The following SORCS1 variants were observed in gnomAD, a reference collection of about 807,000 sequenced individuals.
The protein encoded by SORCS1 is VPS10 domain-containing receptor SorCS1.
Under a neutral mutation model 146.1 loss-of-function variants are expected in SORCS1, and 60 were observed. The ratio of observed to expected loss-of-function variants is 0.41; its 90% CI spans 0.33 to 0.51. The LOEUF (loss-of-function observed/expected upper bound fraction) is 0.51, where lower values mean the gene tolerates loss of function less well. Among genes scored for constraint, SORCS1 ranks in the 20% least tolerant of loss-of-function variants. The probability of loss-of-function intolerance (pLI) is 0.21; values close to 1 mark genes in which losing one functional copy is unlikely to be tolerated. For synonymous variants in SORCS1, 637 were observed against 584.0 expected (o/e 1.09, Z -1.31); for missense variants, 1,352 against 1,487.6 (o/e 0.91, Z 1.50).
At chr10:106,674,508 T>C (rs1851879354) in intron 14 of SORCS1, among the ~76,000 whole-genome samples, 2 of 152,082 alleles carry the variant, frequency 1.3e-5, no homozygotes, top group Admixed American at 1.3e-4. Context: ...GTTTCATACT[T>C]GAAATTCAAA....
At chr10:107,165,279 G>T (rs1161916890), upstream of SORCS1, among the ~76,000 whole-genome samples, 1 of 140,566 alleles carries the variant, frequency 7.1e-6, no homozygotes, top group Admixed American at 7.4e-5. The surrounding 1 kb of genome is among the most constrained non-coding windows in gnomAD (Gnocchi z 4.0). Context: ...GTAATTAAAT[G>T]ATCTCGTGTG....
chr10:107,029,963 G>A (rs1958576587), intron 1 of SORCS1, among the ~76,000 whole-genome samples: 1 of 152,202 alleles, frequency 6.6e-6, no homozygotes, highest in African/African-American at 2.4e-5. Flanking sequence ...GATGCGTTTG[G>A]AAGGCAGAGA....
chr10:106,964,361 T>G (rs1329393253), intron 1 of SORCS1, among the ~76,000 whole-genome samples: 1 of 152,224 alleles, frequency 6.6e-6, no homozygotes, highest in Non-Finnish European at 1.5e-5. Flanking sequence ...TAGAGTGCAG[T>G]GATGCACTCA....
At chr10:107,129,576 G>A (rs547680417) in intron 1 of SORCS1, among the ~76,000 whole-genome samples, 2 of 152,318 alleles carry the variant, frequency 1.3e-5, no homozygotes, top group Non-Finnish European at 2.9e-5. Flanking sequence ...TATTTCACAC[G>A]AGCATAATTT....
chr10:106,606,798 T>C (rs528349021), intron 23 of SORCS1, among the ~76,000 whole-genome samples: 1 of 152,272 alleles, frequency 6.6e-6, no homozygotes, highest in East Asian at 1.9e-4. Context: ...CGATAGTGAG[T>C]TCTCACAAGA....
chr10:106,649,832 T>C (rs1010578815), intron 18 of SORCS1, among the ~76,000 whole-genome samples: 1 of 152,188 alleles, frequency 6.6e-6, no homozygotes, highest in Non-Finnish European at 1.5e-5. Flanking sequence ...AGATGGCGTA[T>C]TTCCTGCTGT....
intron 1 of SORCS1, among the ~76,000 whole-genome samples, chr10:106,977,063 G>C (rs911561764): frequency 6.6e-6 from 1 of 152,142 alleles, no homozygotes; most frequent in Admixed American, 6.5e-5. Context: ...CCAGTAACAA[G>C]ATTGCTGGGC....
At chr10:106,875,889 G>A (rs1174567889) in intron 2 of SORCS1, among the ~76,000 whole-genome samples, 1 of 152,144 alleles carries the variant, frequency 6.6e-6, no homozygotes, top group Non-Finnish European at 1.5e-5. Context: ...GGCCAGTTAA[G>A]TGACACTGAT....
upstream of SORCS1, among the ~76,000 whole-genome samples, chr10:107,164,827 G>C (rs1466575643): frequency 6.8e-6 from 1 of 147,510 alleles, no homozygotes; most frequent in South Asian, 2.1e-4. This position sits in a 1 kb window ranked among gnomAD's most constrained non-coding sequence, Gnocchi z 6.8. Flanking sequence ...AGGCGCTGCC[G>C]GGACTCCGGG....
intron 9 of SORCS1, among the ~76,000 whole-genome samples, chr10:106,694,394 G>A (rs1337433685): frequency 2.0e-5 from 3 of 152,064 alleles, no homozygotes; most frequent in African/African-American, 7.2e-5. Flanking sequence ...CAAGTAGCTG[G>A]GACTTCACCA....
At chr10:106,735,905 G>A (rs1326481425) in intron 5 of SORCS1, among the ~76,000 whole-genome samples, 1 of 152,160 alleles carries the variant, frequency 6.6e-6, no homozygotes, top group African/African-American at 2.4e-5. Context: ...AGGTCATCTA[G>A]ATGAGCTTTG....
intron 5 of SORCS1, among the ~76,000 whole-genome samples, chr10:106,733,550 T>C (rs1188562659): frequency 3.9e-5 from 6 of 152,234 alleles, no homozygotes; most frequent in African/African-American, 1.2e-4. Context: ...CTCTAGCCTA[T>C]ATATGCTGCT....
At chr10:107,128,196 T>C (rs1966819283) in intron 1 of SORCS1, among the ~76,000 whole-genome samples, 1 of 152,194 alleles carries the variant, frequency 6.6e-6, no homozygotes, top group African/African-American at 2.4e-5. Context: ...AATCCTTTTC[T>C]CCAGATAAAC....
intron 2 of SORCS1, among the ~76,000 whole-genome samples, chr10:106,929,226 A>G (rs1226539944): frequency 6.6e-6 from 1 of 150,878 alleles, no homozygotes; most frequent in African/African-American, 2.4e-5. Context: ...ATTTTTCCCC[A>G]GAACAAATGA....
the SORCS1 span, among the ~76,000 whole-genome samples, chr10:107,178,486 T>TTA: frequency 1.7e-3 from 245 of 141,906 alleles, no homozygotes; most frequent in Non-Finnish European, 2.9e-3. Flanking sequence ...TAAAATTATT[T>TTA]TATATATATA....
At chr10:106,779,544 CAT>C (rs1491305344) in intron 3 of SORCS1, among the ~76,000 whole-genome samples, 1,788 of 140,752 alleles carry the variant, frequency 0.013, 48 homozygotes, top group African/African-American at 0.04. Context: ...CATTATGGCC[CAT>C]ATTTTTTTTT....
chr10:106,866,089 C>A (rs1010911847), intron 2 of SORCS1, among the ~76,000 whole-genome samples: 1 of 151,956 alleles, frequency 6.6e-6, no homozygotes, highest in Non-Finnish European at 1.5e-5. Context: ...TATCTCCTCA[C>A]TGGCCACCCC....
rs150699325 is a variant in SORCS1, at chr10:106,899,267, A to G, written c.626+57246T>C. Reference sequence around the variant, plus strand: ...TTCCTCACTAAGCCCTGGGGATTTAACAATATGGGTTTGGCAAGAAAAGTA... The same window carrying G: ...TTCCTCACTAAGCCCTGGGGATTTAGCAATATGGGTTTGGCAAGAAAAGTA... On this transcript the variant is annotated intron_variant, in intron 2 of 25. Coordinates refer to ENST00000263054, the MANE Select transcript of SORCS1 (RefSeq NM_052918.5). Among the ~76,000 whole-genome samples the G allele has an allele frequency of 5.2e-3, 793 of 152,362 alleles. 9 individuals carry two copies. The highest frequency in any genetic ancestry group is 6.9e-3 in the Non-Finnish European group (471 of 68,034).
At chr10:106,748,902 C>A (rs1857943228) in intron 5 of SORCS1, among the ~76,000 whole-genome samples, 1 of 152,080 alleles carries the variant, frequency 6.6e-6, no homozygotes, top group Non-Finnish European at 1.5e-5. Flanking sequence ...CATGACTCAA[C>A]CAGAGGAGGA....
Sources: gnomAD v4.1 joint callset for allele counts (sites outside exome capture counted in the v4.1 genomes callset) on GRCh38, gnomAD v4.1.1 for gene constraint, Gnocchi (gnomAD v3.1) non-coding constraint, MANE v1.5 for transcripts, NCBI Gene and HGNC (gene_info 2026-07-23, HGNC 2026-07-21) for gene names.